GALNT13: variants seen among roughly 807,000 people sequenced by gnomAD.
The protein encoded by GALNT13 is polypeptide N-acetylgalactosaminyltransferase 13, also known as UDP-GalNAc:polypeptide N-acetylgalactosaminyltransferase 13.
Under a neutral mutation model 64.2 loss-of-function variants are expected in GALNT13, and 28 were observed. The ratio of observed to expected loss-of-function variants is 0.44; its 90% CI spans 0.32 to 0.60. The LOEUF (loss-of-function observed/expected upper bound fraction) is 0.60, where lower values mean the gene tolerates loss of function less well. GALNT13 is among the 20% of genes least tolerant of loss of function. GALNT13 has a pLI of 0.05. For missense variants in GALNT13, 577 were observed against 669.8 expected, an observed-to-expected ratio of 0.86 and a Z score of 1.53; for synonymous variants, 214 against 224.6, an observed-to-expected ratio of 0.95 and a Z score of 0.42.
intron 3 of GALNT13, among the ~76,000 whole-genome samples, chr2:153,960,066 G>T (rs1158339264): frequency 6.6e-6 from 1 of 152,220 alleles, no homozygotes; most frequent in African/African-American, 2.4e-5. Context: ...CATCTGATCA[G>T]CTCCACTGCC....
chr2:153,228,921 T>A, the GALNT13 span, among the ~76,000 whole-genome samples: 2 of 151,480 alleles, frequency 1.3e-5, no homozygotes, highest in East Asian at 3.9e-4. Context: ...ATTGATTACC[T>A]TGTATCCAAA....
At chr2:153,967,606 T>C (rs1162180740) in intron 3 of GALNT13, among the ~76,000 whole-genome samples, 1 of 152,142 alleles carries the variant, frequency 6.6e-6, no homozygotes, top group African/African-American at 2.4e-5. Flanking sequence ...TTTTTCTCCA[T>C]GTGGCACTGC....
intron 3 of GALNT13, among the ~76,000 whole-genome samples, chr2:154,133,537 TATATATATATATATA>T (rs1558977094): frequency 2.8e-4 from 2 of 7,214 alleles, no homozygotes; most frequent in African/African-American, 1.1e-3. Flanking sequence ...GACCATTTTA[TATATATATATATATA>T]TATATATATA....
chr2:153,353,203 A>T, the GALNT13 span, among the ~76,000 whole-genome samples: 1 of 151,936 alleles, frequency 6.6e-6, no homozygotes, highest in South Asian at 2.1e-4. Context: ...TTAAGTTTTC[A>T]TGTTTTGGGG....
chr2:154,066,020 C>T (rs969812883), intron 3 of GALNT13, among the ~76,000 whole-genome samples: 6 of 152,114 alleles, frequency 3.9e-5, no homozygotes, highest in Admixed American at 6.5e-5. Context: ...ATAAATTTAA[C>T]AAGGAGATTG....
chr2:154,308,794 T>G (rs1388392639), intron 9 of GALNT13, among the ~76,000 whole-genome samples: 2 of 152,172 alleles, frequency 1.3e-5, no homozygotes, highest in Non-Finnish European at 2.9e-5. Context: ...TAACACATAA[T>G]GCATTATTTG....
At chr2:154,315,292 T>C (rs1040754650) in intron 9 of GALNT13, among the ~76,000 whole-genome samples, 8 of 152,306 alleles carry the variant, frequency 5.3e-5, no homozygotes, top group African/African-American at 1.9e-4. Flanking sequence ...TTATTAGATA[T>C]CTTTATCAAC....
At chr2:153,674,751 G>A in the GALNT13 span, among the ~76,000 whole-genome samples, 1 of 152,124 alleles carries the variant, frequency 6.6e-6, no homozygotes, top group African/African-American at 2.4e-5. Context: ...ACTATCATGA[G>A]AGTGAACGGG....
intron 8 of GALNT13, among the ~76,000 whole-genome samples, chr2:154,285,133 A>G (rs980229849): frequency 1.3e-5 from 2 of 152,158 alleles, no homozygotes; most frequent in Non-Finnish European, 2.9e-5. Flanking sequence ...TCTTTATCAG[A>G]CATATGGTTT....
intron 4 of GALNT13, among the ~76,000 whole-genome samples, chr2:154,148,383 C>T (rs1314892244): frequency 2.0e-5 from 3 of 152,148 alleles, no homozygotes. Context: ...CCGCAATAAA[C>T]ATACATGTGC....
At chr2:153,332,337 AT>A in the GALNT13 span, among the ~76,000 whole-genome samples, 1 of 151,804 alleles carries the variant, frequency 6.6e-6, no homozygotes, top group African/African-American at 2.4e-5. Context: ...CTCAACACTG[AT>A]TTTTCTGTAT....
chr2:153,501,950 C>T, the GALNT13 span, among the ~76,000 whole-genome samples: 6 of 151,986 alleles, frequency 3.9e-5, no homozygotes, highest in Non-Finnish European at 4.4e-5. Flanking sequence ...TTTGAACTCA[C>T]GGAGGGGCAG....
chr2:154,206,180 T>A (rs1687440375), intron 4 of GALNT13, among the ~76,000 whole-genome samples: 1 of 151,544 alleles, frequency 6.6e-6, no homozygotes, highest in Non-Finnish European at 1.5e-5. Flanking sequence ...CTATTTTTTT[T>A]ATAGTAGAGA....
chr2:153,526,636 C>T, the GALNT13 span, among the ~76,000 whole-genome samples: 1 of 152,194 alleles, frequency 6.6e-6, no homozygotes, highest in East Asian at 1.9e-4. Flanking sequence ...CTTCATTGCC[C>T]AGACACAGAC....
chr2:153,566,262 C>T, the GALNT13 span, among the ~76,000 whole-genome samples: 4 of 149,292 alleles, frequency 2.7e-5, no homozygotes, highest in African/African-American at 9.9e-5. Context: ...GTATTGAGAC[C>T]AACAAATATT....
chr2:153,207,849 C>A, the GALNT13 span, among the ~76,000 whole-genome samples: 1 of 152,078 alleles, frequency 6.6e-6, no homozygotes, highest in African/African-American at 2.4e-5. Flanking sequence ...ATGGGAAAAA[C>A]GCTGTTAAAT....
chr2:153,434,467 T>C, the GALNT13 span, among the ~76,000 whole-genome samples: 2 of 152,222 alleles, frequency 1.3e-5, no homozygotes, highest in Non-Finnish European at 2.9e-5. Flanking sequence ...GTGTTCCTGT[T>C]TCTCCACATC....
intron 3 of GALNT13, among the ~76,000 whole-genome samples, chr2:154,128,135 G>A (rs17201561): frequency 0.55 from 83,185 of 151,766 alleles, 23,938 homozygotes; most frequent in East Asian, 0.85. Context: ...GATGAGTTGT[G>A]AGAAAGAGTA....
the GALNT13 span, among the ~76,000 whole-genome samples, chr2:153,569,711 G>T: frequency 1.3e-5 from 2 of 149,168 alleles, no homozygotes; most frequent in South Asian, 2.1e-4. Context: ...CATTCCTTTA[G>T]TTATTTTAAA....
Sources: gnomAD v4.1 joint callset for allele counts (sites outside exome capture counted in the v4.1 genomes callset) on GRCh38, gnomAD v4.1.1 for gene constraint, MANE v1.5 for transcripts, NCBI Gene and HGNC (gene_info 2026-07-23, HGNC 2026-07-21) for gene names.